The following CDH13 variants were observed in gnomAD, a reference collection of about 807,000 sequenced individuals.
CDH13 encodes the protein cadherin-13.
A neutral mutation model predicts 63.8 loss-of-function variants in CDH13; 24 were observed. The ratio of observed to expected loss-of-function variants is 0.38; its 90% CI spans 0.27 to 0.53. The LOEUF (loss-of-function observed/expected upper bound fraction) is 0.53. Ranked by LOEUF, CDH13 falls within the 20% of genes least tolerant of loss-of-function variation. The pLI, the probability that CDH13 is intolerant of heterozygous loss-of-function variation, is 0.85. For synonymous variants in CDH13, 503 were observed against 355.3 expected, an observed-to-expected ratio of 1.42 and a Z score of -4.67; for missense variants, 1,049 against 903.1, an observed-to-expected ratio of 1.16 and a Z score of -2.07.
At chr16:83,442,100 C>A (rs1187645895) in intron 6 of CDH13, among the ~76,000 whole-genome samples, 1 of 152,112 alleles carries the variant, frequency 6.6e-6, no homozygotes, top group Non-Finnish European at 1.5e-5. Flanking sequence ...ACACACAGGC[C>A]AACTCTGACG....
chr16:83,280,227 C>G (rs2089128137), intron 5 of CDH13, among the ~76,000 whole-genome samples: 1 of 152,236 alleles, frequency 6.6e-6, no homozygotes, highest in South Asian at 2.1e-4. Flanking sequence ...TCAGTCTTCT[C>G]AAACCCTGCT....
intron 5 of CDH13, among the ~76,000 whole-genome samples, chr16:83,319,732 G>C (rs2090181168): frequency 6.6e-6 from 1 of 152,170 alleles, no homozygotes; most frequent in South Asian, 2.1e-4. Flanking sequence ...GCTGGGTGAG[G>C]AAGACAGGTG....
At chr16:82,997,326 A>G (rs1269775517) in intron 2 of CDH13, among the ~76,000 whole-genome samples, 1 of 152,204 alleles carries the variant, frequency 6.6e-6, no homozygotes, top group African/African-American at 2.4e-5. Context: ...GATTGACCCT[A>G]ATACGTTTTC....
intron 6 of CDH13, among the ~76,000 whole-genome samples, chr16:83,405,162 A>C (rs1028897879): frequency 1.3e-5 from 2 of 152,106 alleles, no homozygotes; most frequent in Admixed American, 1.3e-4. Flanking sequence ...TAACAATTCT[A>C]TGTGCATTCT....
chr16:82,630,222 GC>G (rs1907838756), intron 1 of CDH13, among the ~76,000 whole-genome samples: 1 of 152,084 alleles, frequency 6.6e-6, no homozygotes, highest in Non-Finnish European at 1.5e-5. Flanking sequence ...AGAGGGTGCT[GC>G]CCCCTCCCCC....
At chr16:83,221,883 C>T (rs1365411428) in intron 5 of CDH13, among the ~76,000 whole-genome samples, 1 of 152,078 alleles carries the variant, frequency 6.6e-6, no homozygotes, top group African/African-American at 2.4e-5. Context: ...TATTAAGTGC[C>T]CAAGAATTCC....
intron 1 of CDH13, among the ~76,000 whole-genome samples, chr16:82,805,165 G>T (rs72805975): frequency 0.27 from 40,370 of 152,040 alleles, 5,465 homozygotes; most frequent in East Asian, 0.37. Flanking sequence ...CAGCCCCCAG[G>T]TCCATGTGTC....
At chr16:83,545,059 T>A (rs968822768) in intron 7 of CDH13, among the ~76,000 whole-genome samples, 2 of 152,234 alleles carry the variant, frequency 1.3e-5, no homozygotes, top group Non-Finnish European at 2.9e-5. Flanking sequence ...ATTCTGTTCA[T>A]CTCCTTCAGG....
At chr16:83,013,461 G>A (rs888380454) in intron 2 of CDH13, among the ~76,000 whole-genome samples, 10 of 152,082 alleles carry the variant, frequency 6.6e-5, no homozygotes, top group African/African-American at 2.2e-4. Flanking sequence ...AACCAAGCAA[G>A]CCATGAAGCC....
At chr16:83,186,304 A>C (rs1331396429) in intron 4 of CDH13, among the ~76,000 whole-genome samples, 1 of 151,606 alleles carries the variant, frequency 6.6e-6, no homozygotes, top group Admixed American at 6.6e-5. Flanking sequence ...ATGCCAAGCT[A>C]ATTTTTGTAC....
At chr16:82,821,503 C>G (rs2037998968) in intron 1 of CDH13, among the ~76,000 whole-genome samples, 1 of 152,194 alleles carries the variant, frequency 6.6e-6, no homozygotes, top group Admixed American at 6.5e-5. Context: ...ATCCACATTC[C>G]TTCTTTCCAT....
chr16:83,756,064 T>TA (rs990319462), intron 11 of CDH13, among the ~76,000 whole-genome samples: 27 of 152,306 alleles, frequency 1.8e-4, no homozygotes, highest in African/African-American at 6.0e-4. Context: ...TAGACTCTAA[T>TA]AAGTCAAGTA....
At chr16:83,117,604 G>A (rs151156134) in intron 3 of CDH13, among the ~76,000 whole-genome samples, 34 of 152,070 alleles carry the variant, frequency 2.2e-4, no homozygotes, top group African/African-American at 5.1e-4. Flanking sequence ...TGCACCATCC[G>A]AGATGCCTAG....
chr16:83,119,300 T>A lies in CDH13; in HGVS notation c.367-6085T>A, dbSNP rs114202288. Among the ~76,000 whole-genome samples, 890 of 152,320 alleles carry A rather than the reference T, an allele frequency of 5.8e-3. 8 individuals carry two copies. Among genetic ancestry groups the A allele is most frequent in the African/African-American group, 0.02 (831 of 41,572 alleles). The stretch of plus-strand genomic sequence containing the variant: ...CTTCCCATAATCTGGGTTGTGCCAT[T>A]GTCTCCATGTCTTGCAGCTACTCTT... On this transcript the variant is annotated intron_variant, in intron 3 of 13. Transcript: ENST00000567109.
chr16:83,755,750 C>G (rs1474189991), intron 11 of CDH13, among the ~76,000 whole-genome samples: 6 of 128,248 alleles, frequency 4.7e-5, no homozygotes, highest in African/African-American at 1.8e-4. Flanking sequence ...ACTTTTGGGG[C>G]AAAAAAAAAA....
At chr16:82,950,018 A>G (rs777552852) in intron 2 of CDH13, among the ~76,000 whole-genome samples, 3 of 152,114 alleles carry the variant, frequency 2.0e-5, no homozygotes, top group African/African-American at 4.8e-5. Flanking sequence ...AAAGGGAAGA[A>G]AGAAGATTGT....
At chr16:83,248,547 T>A (rs1306247404) in intron 5 of CDH13, among the ~76,000 whole-genome samples, 1 of 152,192 alleles carries the variant, frequency 6.6e-6, no homozygotes, top group Non-Finnish European at 1.5e-5. Context: ...TCAAGAAGAT[T>A]TCTACAATGT....
At chr16:82,785,604 G>C (rs2035966187) in intron 1 of CDH13, among the ~76,000 whole-genome samples, 1 of 152,102 alleles carries the variant, frequency 6.6e-6, no homozygotes, top group Non-Finnish European at 1.5e-5. Flanking sequence ...CTCAAGATTT[G>C]TCTGTCTACA....
intron 8 of CDH13, among the ~76,000 whole-genome samples, chr16:83,634,706 G>A (rs1911100696): frequency 6.6e-6 from 1 of 152,018 alleles, no homozygotes; most frequent in Non-Finnish European, 1.5e-5. Flanking sequence ...TGGCTGAGAT[G>A]AGCTCTTTTC....
Sources: allele counts gnomAD v4.1 joint callset (sites outside exome capture counted in the v4.1 genomes callset), GRCh38; gene constraint gnomAD v4.1.1; transcripts MANE v1.5; gene names NCBI Gene and HGNC (gene_info 2026-07-23, HGNC 2026-07-21).